KALRN: variants seen among roughly 807,000 people sequenced by gnomAD.
KALRN encodes kalirin RhoGEF kinase.
In KALRN, 70 loss-of-function variants were observed where a neutral mutation model predicts 353.7. The ratio of observed to expected loss-of-function variants is 0.20; its 90% confidence interval spans 0.16 to 0.24. KALRN has a LOEUF of 0.24. KALRN is among the 10% of genes least tolerant of loss of function. The pLI is 1.00. For missense variants in KALRN, 2,791 were observed against 3,756.7 expected (o/e 0.74, Z 6.72); for synonymous variants, 1,391 against 1,434.8 (o/e 0.97, Z 0.69).
At chr3:124,366,793 GC>G (rs2084773180) in intron 10 of KALRN, among the ~76,000 whole-genome samples, 1 of 151,388 alleles carries the variant, frequency 6.6e-6, no homozygotes, top group East Asian at 2.0e-4. Context: ...GGGCAGAGGC[GC>G]CCCTCACCTC....
intron 38 of KALRN, among the ~76,000 whole-genome samples, chr3:124,653,659 CA>C (rs1559775578): frequency 2.0e-5 from 3 of 152,174 alleles, no homozygotes; most frequent in African/African-American, 7.2e-5. Flanking sequence ...ACAGCCAGTG[CA>C]ATGAATCTAA....
At chr3:124,371,828 T>A (rs924208728) in intron 10 of KALRN, among the ~76,000 whole-genome samples, 5 of 152,230 alleles carry the variant, frequency 3.3e-5, no homozygotes, top group Admixed American at 3.3e-4. Context: ...TTTTAAGATA[T>A]ACAATAAAGT....
intron 10 of KALRN, among the ~76,000 whole-genome samples, chr3:124,374,044 T>C (rs998967816): frequency 2.6e-5 from 4 of 152,174 alleles, no homozygotes; most frequent in African/African-American, 7.2e-5. Flanking sequence ...TCCAAATGTA[T>C]ATATTGAAAC....
intron 33 of KALRN, among the ~76,000 whole-genome samples, chr3:124,497,179 G>A (rs925538880): frequency 6.6e-6 from 1 of 152,180 alleles, no homozygotes; most frequent in Non-Finnish European, 1.5e-5. Flanking sequence ...GTAGCAGGGG[G>A]AGGAAAGGGT....
At chr3:124,121,331 C>T (rs185818244) in intron 1 of KALRN, among the ~76,000 whole-genome samples, 210 of 152,036 alleles carry the variant, frequency 1.4e-3, no homozygotes, top group Non-Finnish European at 2.0e-3. Context: ...AGTAGGTGCT[C>T]AATAAAGAAA....
chr3:124,192,565 G>A (rs1440968896), intron 1 of KALRN, among the ~76,000 whole-genome samples: 1 of 152,156 alleles, frequency 6.6e-6, no homozygotes, highest in Non-Finnish European at 1.5e-5. Flanking sequence ...TGCTTGAGAG[G>A]ATGGATACCC....
chr3:124,345,066 A>T (rs187820405), intron 9 of KALRN, among the ~76,000 whole-genome samples: 70 of 152,326 alleles, frequency 4.6e-4, no homozygotes, highest in African/African-American at 1.6e-3. Context: ...AAAACTCATG[A>T]AAACATTGCC....
chr3:124,258,753 T>C (rs1054824853), intron 3 of KALRN, among the ~76,000 whole-genome samples: 1 of 152,202 alleles, frequency 6.6e-6, no homozygotes, highest in African/African-American at 2.4e-5. Flanking sequence ...TCAAATTGCC[T>C]TCAGAATTTC....
At chr3:124,185,799 C>T (rs559053126) in intron 1 of KALRN, among the ~76,000 whole-genome samples, 2 of 152,168 alleles carry the variant, frequency 1.3e-5, no homozygotes, top group Non-Finnish European at 2.9e-5. Context: ...ACTCAAGGGT[C>T]ATTTGTCAGC....
At chr3:124,490,553 TG>T in intron 29 of KALRN, 140 bp from the exon 30 acceptor site, 1 of 668,336 alleles carries the variant, frequency 1.5e-6, no homozygotes, top group Non-Finnish European at 2.5e-6. Flanking sequence ...CAGCAGTCTC[TG>T]GAGTTAGCAG....
chr3:124,161,733 A>C (rs1050042786), intron 1 of KALRN, among the ~76,000 whole-genome samples: 1 of 152,214 alleles, frequency 6.6e-6, no homozygotes, highest in Non-Finnish European at 1.5e-5. Flanking sequence ...GTGGGCATCC[A>C]CATCAAAGCC....
rs1333778572 is a variant in KALRN at position 124,433,511 on chromosome 3, G to A, written c.2830-796G>A. ...CTTTGGAGACTGAGGCAAGAGGATT[G>A]CTTGAGCCCAGTTCAAGGCTGCAGC... On this transcript the variant is annotated intron_variant, in intron 16 of 59. Coordinates refer to ENST00000682506, the MANE Select transcript of KALRN (RefSeq NM_001388419.1). Among the ~76,000 whole-genome samples the A allele has an allele frequency of 5.3e-5, 8 of 149,646 alleles. No individual in the cohort carries two copies. In the South Asian group the frequency reaches 1.7e-3, roughly 31 times the overall value.
chr3:124,248,257 C>A (rs113518473), intron 3 of KALRN, among the ~76,000 whole-genome samples: 10 of 152,170 alleles, frequency 6.6e-5, no homozygotes, highest in Admixed American at 2.6e-4. Flanking sequence ...GGGCTTCACC[C>A]CCCCCATACT....
Position 124,298,786 on chromosome 3 carries a change from T to C in KALRN, c.970-5T>C, listed in dbSNP as rs756232391. 1 of 1,614,160 alleles carries C rather than the reference T, an allele frequency of 6.2e-7. No homozygotes were observed. The highest frequency in any genetic ancestry group is 8.5e-7 in the Non-Finnish European group (1 of 1,179,998). ...GATTATGCTGTGCCTTCTTGTCCTCTCTAGATGTTTGACTGGATAAGCCAC... is the reference window on the plus strand; with the variant it reads ...GATTATGCTGTGCCTTCTTGTCCTCCCTAGATGTTTGACTGGATAAGCCAC... On this transcript the variant is annotated splice_region_variant and splice_polypyrimidine_tract_variant and intron_variant, in intron 5 of 59. Transcript: ENST00000682506.
intron 1 of KALRN, chr3:124,152,176 G>C: frequency 6.5e-7 from 1 of 1,528,672 alleles, no homozygotes; most frequent in Non-Finnish European, 8.9e-7. Context: ...AACAATCAAA[G>C]TGTTATCTGT....
intron 53 of KALRN, 121 bp from the exon 54 acceptor site, chr3:124,696,013 G>A: frequency 1.0e-6 from 1 of 970,976 alleles, no homozygotes; most frequent in Non-Finnish European, 1.6e-6. Context: ...ACAGACCAGG[G>A]ACTGACCTCG....
At chr3:124,484,820 A>G (rs138158279) in intron 28 of KALRN, among the ~76,000 whole-genome samples, 101 of 152,242 alleles carry the variant, frequency 6.6e-4, no homozygotes, top group African/African-American at 2.4e-3. Context: ...ATTATTTTTC[A>G]TGGTCGGGCA....
intron 1 of KALRN, among the ~76,000 whole-genome samples, chr3:124,088,121 T>C (rs570885470): frequency 3.9e-5 from 6 of 152,154 alleles, no homozygotes; most frequent in South Asian, 4.2e-4. Flanking sequence ...GTTTTTTTTT[T>C]CCCCATGGGT....
At chr3:124,080,254 C>CT (rs905738668) in intron 1 of KALRN, among the ~76,000 whole-genome samples, 5 of 152,032 alleles carry the variant, frequency 3.3e-5, no homozygotes, top group South Asian at 4.1e-4. Flanking sequence ...CACTGTAAAA[C>CT]TTTTTTTTAA....
Sources: gnomAD v4.1 joint callset for allele counts (sites outside exome capture counted in the v4.1 genomes callset) on GRCh38, gnomAD v4.1.1 for gene constraint, MANE v1.5 for transcripts, NCBI Gene and HGNC (gene_info 2026-07-23, HGNC 2026-07-21) for gene names.